The following SLC8A1 variants were observed in gnomAD, a reference collection of about 807,000 sequenced individuals.
SLC8A1 encodes sodium/calcium exchanger 1.
Under a neutral mutation model 68.3 loss-of-function variants are expected in SLC8A1, and 18 were observed. The ratio of observed to expected loss-of-function variants is 0.26; its 90% confidence interval spans 0.18 to 0.39. The LOEUF (loss-of-function observed/expected upper bound fraction) is 0.39. Among genes scored for constraint, SLC8A1 ranks in the 10% least tolerant of loss-of-function variants. The probability of loss-of-function intolerance (pLI) is 1.00; values close to 1 mark genes in which losing one functional copy is unlikely to be tolerated. For missense variants in SLC8A1, 985 were observed against 1,156.7 expected (o/e 0.85, Z 2.15); for synonymous variants, 475 against 415.5 (o/e 1.14, Z -1.74).
At chr2:40,399,576 T>G (rs1182018182) in intron 2 of SLC8A1, among the ~76,000 whole-genome samples, 1 of 152,200 alleles carries the variant, frequency 6.6e-6, no homozygotes, top group Non-Finnish European at 1.5e-5. Flanking sequence ...AATCTAACTC[T>G]TACCAGAATG....
At chr2:40,274,540 C>T (rs1206708462) in intron 2 of SLC8A1, among the ~76,000 whole-genome samples, 1 of 152,110 alleles carries the variant, frequency 6.6e-6, no homozygotes, top group Non-Finnish European at 1.5e-5. Context: ...CTCTTTTGAT[C>T]ATTTGCTCTA....
chr2:40,170,003 A>G (rs2047187964), intron 4 of SLC8A1, among the ~76,000 whole-genome samples: 1 of 152,160 alleles, frequency 6.6e-6, no homozygotes. Context: ...GAGAAGAAAT[A>G]TTTCCAAGAA....
intron 2 of SLC8A1, among the ~76,000 whole-genome samples, chr2:40,348,914 G>C (rs1024267467): frequency 6.6e-6 from 1 of 152,170 alleles, no homozygotes; most frequent in African/African-American, 2.4e-5. Context: ...CTAATGAAGA[G>C]AAAAATGACT....
At chr2:40,263,765 A>T (rs950856392) in intron 2 of SLC8A1, among the ~76,000 whole-genome samples, 1 of 152,192 alleles carries the variant, frequency 6.6e-6, no homozygotes, top group Non-Finnish European at 1.5e-5. Context: ...AACCTAGGCA[A>T]TACCATTCAG....
At chr2:40,206,119 C>G (rs943167912) in intron 2 of SLC8A1, among the ~76,000 whole-genome samples, 1 of 152,018 alleles carries the variant, frequency 6.6e-6, no homozygotes, top group African/African-American at 2.4e-5. Context: ...AGTTCTACTT[C>G]ACAATTATAA....
chr2:40,097,486 A>C (rs2033640061), exon 8 of SLC8A1: 2 of 147,076 alleles, frequency 1.4e-5, no homozygotes, highest in South Asian at 4.3e-4. Flanking sequence ...CACATGAAAA[A>C]TATTGCCAGT....
chr2:40,288,628 G>A (rs1196415789), intron 2 of SLC8A1, among the ~76,000 whole-genome samples: 1 of 151,962 alleles, frequency 6.6e-6, no homozygotes, highest in Non-Finnish European at 1.5e-5. Context: ...TCTGTGTTTA[G>A]TGACTTCATG....
chr2:40,415,528 T>C (rs760940633), intron 2 of SLC8A1, among the ~76,000 whole-genome samples: 58 of 152,124 alleles, frequency 3.8e-4, no homozygotes, highest in Admixed American at 6.6e-4. Flanking sequence ...ACTAATCTAA[T>C]TACTTTCCCC....
chr2:40,292,021 T>C (rs1310889887), intron 2 of SLC8A1, among the ~76,000 whole-genome samples: 1 of 151,940 alleles, frequency 6.6e-6, no homozygotes, highest in Non-Finnish European at 1.5e-5. Context: ...TTCTAGCACA[T>C]GCAGGTAGCT....
chr2:40,283,512 C>T (rs1338385863), intron 2 of SLC8A1, among the ~76,000 whole-genome samples: 1 of 152,190 alleles, frequency 6.6e-6, no homozygotes, highest in Non-Finnish European at 1.5e-5. Context: ...CATCAGCTGC[C>T]AATAGCACTG....
rs116255953 is a variant in SLC8A1 at position 40,451,589 on chromosome 2, A to T, written c.-25+315T>A. Among the ~76,000 whole-genome samples, 4 of 152,126 alleles carry T rather than the reference A, an allele frequency of 2.6e-5. No homozygotes were observed. The South Asian group carries it at 8.3e-4, about 32-fold the overall frequency. ...CAGAGCCCAGCGCGGTGCAGGGTGC[A>T]GCATCTCTCCTTAGCAGCCCTTTCT... is the stretch of plus-strand genomic sequence containing the variant. On this transcript the variant is annotated intron_variant, in intron 1 of 7. Transcript: ENST00000406785.
intron 2 of SLC8A1, among the ~76,000 whole-genome samples, chr2:40,375,772 G>T (rs890271575): frequency 1.3e-5 from 2 of 152,104 alleles, no homozygotes; most frequent in Non-Finnish European, 2.9e-5. Context: ...GAAGGTCAAG[G>T]CAGGCAGATT....
chr2:40,506,824 G>A (rs931135504), intron 1 of SLC8A1, among the ~76,000 whole-genome samples: 8 of 151,946 alleles, frequency 5.3e-5, no homozygotes, highest in African/African-American at 1.9e-4. Flanking sequence ...GTTCTTAAAT[G>A]TGTGGTAGAG....
chr2:40,406,713 A>C (rs1690453544), intron 2 of SLC8A1, among the ~76,000 whole-genome samples: 1 of 152,170 alleles, frequency 6.6e-6, no homozygotes, highest in Non-Finnish European at 1.5e-5. Context: ...CCATGGAGGA[A>C]GCAACATGGT....
In SLC8A1 at chr2:40,171,717, C is replaced by T. The variant is rs114978091; in HGVS notation, c.1930+3108G>A. ...CTATGTGTGAGAACAATGTCTTACT[C>T]TATAAGATTGGTGATAAAGTGATAT... On this transcript the variant is annotated intron_variant, in intron 4 of 7. Transcript: ENST00000406785. Among the ~76,000 whole-genome samples the T allele has an allele frequency of 9.8e-3, 1,490 of 152,270 alleles. 31 individuals carry two copies. Among genetic ancestry groups the T allele is most frequent in the African/African-American group, 0.034 (1,399 of 41,534 alleles).
At chr2:40,363,425 G>C (rs1033434986) in intron 2 of SLC8A1, among the ~76,000 whole-genome samples, 1 of 152,026 alleles carries the variant, frequency 6.6e-6, no homozygotes, top group African/African-American at 2.4e-5. Flanking sequence ...GTAAATGCAA[G>C]AAAGCTACAA....
chr2:40,112,079 G>A (rs112461580), exon 8 of SLC8A1: 8 of 152,504 alleles, frequency 5.2e-5, no homozygotes, highest in Non-Finnish European at 8.8e-5. Context: ...AAGGGTTGAC[G>A]TTTGCAAGAG....
chr2:40,296,305 T>A (rs1247567926), intron 2 of SLC8A1, among the ~76,000 whole-genome samples: 8 of 152,174 alleles, frequency 5.3e-5, no homozygotes, highest in African/African-American at 1.9e-4. Flanking sequence ...TTTCTAGGAA[T>A]GACATTTCCT....
At chr2:40,333,820 G>C (rs552035060) in intron 2 of SLC8A1, among the ~76,000 whole-genome samples, 1 of 152,124 alleles carries the variant, frequency 6.6e-6, no homozygotes, top group African/African-American at 2.4e-5. Flanking sequence ...GAGCTAAGGC[G>C]GGTGGATCTC....
Sources: allele counts gnomAD v4.1 joint callset (sites outside exome capture counted in the v4.1 genomes callset), GRCh38; gene constraint gnomAD v4.1.1; transcripts MANE v1.5; gene names NCBI Gene and HGNC (gene_info 2026-07-23, HGNC 2026-07-21).